INTS13: variants seen among roughly 807,000 people sequenced by gnomAD.
INTS13 encodes asunder, spermatogenesis regulator homolog (Drosphila).
INTS13 carries 35 observed loss-of-function variants against 90.2 expected under a neutral mutation model. That is an observed-to-expected ratio of 0.39 (90% CI 0.30 to 0.51). The LOEUF (loss-of-function observed/expected upper bound fraction) is 0.51. INTS13 is among the 20% of genes least tolerant of loss of function. INTS13 has a pLI of 0.80. For synonymous variants in INTS13, 309 were observed against 277.1 expected (o/e 1.11, Z -1.14); for missense variants, 601 against 851.2 (o/e 0.71, Z 3.66).
Position 26,924,491 on chromosome 12 carries a change from A to C in INTS13, c.676-8T>G. ...GGTTAAAACCGGGGACAACTACAGA[A>C]AAACATACAAGAAAAATAATCCACA... On this transcript the variant is annotated splice_region_variant and splice_polypyrimidine_tract_variant and intron_variant, in intron 6 of 16. Coordinates refer to ENST00000261191, the MANE Select transcript of INTS13 (RefSeq NM_018164.3). 6.3e-7 allele frequency: 1 copy of C among 1,595,070 alleles called. No individual in the cohort carries two copies. Among genetic ancestry groups the C allele is most frequent in the Non-Finnish European group, 8.5e-7 (1 of 1,170,360 alleles).
rs775147070 is a variant in INTS13, at chr12:26,905,447, C to T, written c.*50G>A. Reference sequence around the variant, plus strand: ...CTGTAAAAGTACTTATATCGAATTCCGCACAAAATATTTTTGCAATATGCT... The same window carrying T: ...CTGTAAAAGTACTTATATCGAATTCTGCACAAAATATTTTTGCAATATGCT... On this transcript the variant is annotated 3_prime_UTR_variant, in exon 17 of 17. Transcript: ENST00000261191. 2.0e-5 allele frequency: 31 copies of T among 1,560,876 alleles called. 1 individual carries two copies. The East Asian group carries it at 3.2e-4, about 16-fold the overall frequency.
intron 4 of INTS13, 21 bp downstream of exon 4, chr12:26,928,682 T>C (rs1464472359): frequency 3.1e-6 from 5 of 1,609,740 alleles, no homozygotes; most frequent in East Asian, 4.5e-5. Context: ...AGTGAAAGAA[T>C]TGCTATAATC....
intron 3 of INTS13, 60 bp downstream of exon 3, chr12:26,934,496 A>C (rs894883671): frequency 1.3e-5 from 16 of 1,228,408 alleles, no homozygotes; most frequent in African/African-American, 7.6e-5. Context: ...TCATTTTTTT[A>C]AAAAGTATTA....
chr12:26,917,489 C>T (rs765615439), intron 9 of INTS13, 48 bp from the exon 10 acceptor site: 22 of 1,288,540 alleles, frequency 1.7e-5, no homozygotes, highest in Admixed American at 8.8e-5. Flanking sequence ...AGAAATATTC[C>T]CACAATTAAA....
Position 26,936,675 on chromosome 12 carries a change from A to C in INTS13, c.129T>G (p.Pro43=). Residue 43 remains proline (P), a synonymous_variant, in exon 2 of 17, where the codon CCT becomes CCG. Transcript: ENST00000261191. ...ACAATGATTTAGATATGGGGGCCAAAGGAATGATTCCTTGGGTTCTATTCT... is the reference window on the plus strand; with the variant it reads ...ACAATGATTTAGATATGGGGGCCAACGGAATGATTCCTTGGGTTCTATTCT... The part of the protein sequence containing the change: ...LVKNRTQGII[P]LAPISKSLWT... 1 of 1,613,848 alleles carries C rather than the reference A, an allele frequency of 6.2e-7. No homozygotes were observed.
At chr12:26,929,947 T>C (rs1938101999) in intron 3 of INTS13, among the ~76,000 whole-genome samples, 1 of 152,180 alleles carries the variant, frequency 6.6e-6, no homozygotes. Flanking sequence ...ACTAAAAAAC[T>C]ATTATAACTA....
intron 2 of INTS13, among the ~76,000 whole-genome samples, chr12:26,935,340 T>G (rs1160913586): frequency 6.6e-6 from 1 of 152,268 alleles, no homozygotes; most frequent in Non-Finnish European, 1.5e-5. Flanking sequence ...TGTTCCTTTT[T>G]GGCTAGAGGG....
At position 26,924,060 on chromosome 12, in the gene INTS13, G is replaced by A. The variant is rs536069014; in HGVS notation, c.804+295C>T. Reference sequence around the variant, plus strand: ...TTCAGTATTTACTGACCTGGTCAAAGACATTGAATGTGGGCTAGCAAAACA... The same window carrying A: ...TTCAGTATTTACTGACCTGGTCAAAAACATTGAATGTGGGCTAGCAAAACA... On this transcript the variant is annotated intron_variant, in intron 7 of 16. Transcript: ENST00000261191. 1.3e-4 allele frequency among the ~76,000 whole-genome samples: 20 copies of A among 152,190 alleles called. No individual in the cohort carries two copies. In the South Asian group the frequency reaches 3.9e-3, roughly 30 times the overall value.
chr12:26,914,214 G>T lies in INTS13; in HGVS notation c.1420-86C>A. On this transcript the variant is annotated intron_variant, in intron 12 of 16. Coordinates refer to ENST00000261191, the MANE Select transcript of INTS13 (RefSeq NM_018164.3). Reference sequence around the variant, plus strand: ...CTAGGCAGAACTTGATTTTCGAAAGGATTTTAAAGATTATCATGGTGAAGG... The same window carrying T: ...CTAGGCAGAACTTGATTTTCGAAAGTATTTTAAAGATTATCATGGTGAAGG... 3 of 1,283,050 alleles carry T rather than the reference G, an allele frequency of 2.3e-6. No homozygotes were observed. In the South Asian group the frequency reaches 4.8e-5, roughly 21 times the overall value. The allele number at this position is 1,283,050 out of a possible 1,614,324, so 79.5% of individuals were successfully genotyped here.
intron 14 of INTS13, among the ~76,000 whole-genome samples, chr12:26,912,580 C>T (rs143918181): frequency 1.0e-3 from 154 of 152,210 alleles, no homozygotes; most frequent in African/African-American, 1.3e-3. Context: ...TCAGATTTAA[C>T]GCTGACATCA....
intron 13 of INTS13, 139 bp from the exon 14 acceptor site, chr12:26,913,826 T>G: frequency 1.8e-6 from 2 of 1,102,808 alleles, no homozygotes; most frequent in Non-Finnish European, 2.6e-6. Flanking sequence ...CTACAATATA[T>G]CCATTTCTAT....
intron 8 of INTS13, among the ~76,000 whole-genome samples, chr12:26,921,545 C>T (rs1346358369): frequency 1.3e-5 from 2 of 152,202 alleles, no homozygotes; most frequent in African/African-American, 2.4e-5. Flanking sequence ...CAGGGATGAA[C>T]TAGTCAGTCT....
chr12:26,936,838 C>A (rs1938488712), intron 1 of INTS13, 24 bp from the exon 2 acceptor site: 1 of 1,464,530 alleles, frequency 6.8e-7, no homozygotes, highest in Non-Finnish European at 9.5e-7. Flanking sequence ...AACATATTAG[C>A]CAAATATTTG....
chr12:26,908,432 A>G (rs912777133), intron 15 of INTS13, among the ~76,000 whole-genome samples: 1 of 152,236 alleles, frequency 6.6e-6, no homozygotes, highest in African/African-American at 2.4e-5. Context: ...AAAACAATAA[A>G]ACACATAAAG....
chr12:26,928,792 T>C lies in INTS13; in HGVS notation c.414A>G (p.Glu138=), dbSNP rs1436087290. The C allele has an allele frequency of 1.9e-6, 3 of 1,614,074 alleles. No individual in the cohort carries two copies. The African/African-American group carries it at 4.0e-5, about 22-fold the overall frequency. ...AAVETLCKIT[E]YQHEARTLLM... The stretch of plus-strand genomic sequence containing the variant: ...GTAGAGTACGAGCCTCATGTTGGTA[T>C]TCAGTAATTTTGCAGAGAGTTTCCA... Residue 138 remains glutamate (E), a synonymous_variant, in exon 4 of 17, where the codon GAA becomes GAG. Transcript: ENST00000261191.
chr12:26,926,394 T>C (rs904028526), intron 5 of INTS13, among the ~76,000 whole-genome samples: 2 of 152,224 alleles, frequency 1.3e-5, no homozygotes, highest in African/African-American at 4.8e-5. Context: ...TTTCTCTATA[T>C]ACTATACTTA....
chr12:26,906,476 G>A (rs1249920532), intron 15 of INTS13, 39 bp from the exon 16 acceptor site: 2 of 1,570,466 alleles, frequency 1.3e-6, no homozygotes, highest in South Asian at 1.2e-5. Flanking sequence ...AAAAAAGATA[G>A]AATAATTTAT....
In INTS13 at chr12:26,913,438, A is replaced by T; in HGVS notation, c.1805+19T>A. On this transcript the variant is annotated intron_variant, in intron 14 of 16. Transcript: ENST00000261191. Reference sequence around the variant, plus strand: ...ATAACAAAAGGCACCATGGTGCTATATCAATGCCAGGAAGTCACCTCTCTG... The same window carrying T: ...ATAACAAAAGGCACCATGGTGCTATTTCAATGCCAGGAAGTCACCTCTCTG... 6.2e-7 allele frequency: 1 copy of T among 1,600,582 alleles called. No individual in the cohort carries two copies. The highest frequency in any genetic ancestry group is 8.6e-7 in the Non-Finnish European group (1 of 1,167,768).
intron 7 of INTS13, 152 bp downstream of exon 7, chr12:26,924,203 G>C (rs528411329): frequency 1.7e-6 from 1 of 600,076 alleles, no homozygotes. Flanking sequence ...ATGTTGACCA[G>C]ACTGGTCTCA....
Sources: gnomAD v4.1 joint callset for allele counts (sites outside exome capture counted in the v4.1 genomes callset) on GRCh38, gnomAD v4.1.1 for gene constraint, MANE v1.5 for transcripts, NCBI Gene and HGNC (gene_info 2026-07-23, HGNC 2026-07-21) for gene names.